Variants in MYH13 observed in about 807,000 individuals in gnomAD.
MYH13 encodes myosin-13.
MYH13 carries 177 observed loss-of-function variants against 232.1 expected under a neutral mutation model. The observed-to-expected ratio is 0.76, with a 90% CI of 0.67 to 0.86. MYH13 has a LOEUF of 0.86. Ranked by LOEUF, MYH13 falls within the 40% of genes least tolerant of loss-of-function variation. The pLI, the probability that MYH13 is intolerant of heterozygous loss-of-function variation, is 0.00. For synonymous variants in MYH13, 884 were observed against 923.5 expected, an observed-to-expected ratio of 0.96 and a Z score of 0.78; for missense variants, 2,246 against 2,405.9, an observed-to-expected ratio of 0.93 and a Z score of 1.39.
At chr17:10,372,865 C>T (rs2071887188) in intron 1 of MYH13, 114 bp downstream of exon 1, 1 of 152,158 alleles carries the variant, frequency 6.6e-6, no homozygotes, top group Admixed American at 6.5e-5. Flanking sequence ...AGACCTTGCA[C>T]TTAGTAGGCC....
chr17:10,372,194 A>G (rs1009709608), intron 1 of MYH13, among the ~76,000 whole-genome samples: 2 of 152,200 alleles, frequency 1.3e-5, no homozygotes, highest in African/African-American at 4.8e-5. Flanking sequence ...TATATTCTGA[A>G]TCCTCAATTT....
intron 22 of MYH13, among the ~76,000 whole-genome samples, chr17:10,326,480 CT>C (rs961570283): frequency 6.7e-6 from 1 of 149,448 alleles, no homozygotes; most frequent in Non-Finnish European, 1.5e-5. Context: ...TTTCTTTTTT[CT>C]TTTTTTTTGA....
Position 10,324,138 on chromosome 17 carries a change from A to G in MYH13, c.2818T>C (p.Leu940=), listed in dbSNP as rs1470429039. ...LEEEEEMNSE[L]VAKKRNLEDK... is the part of the protein sequence containing the mutation. Reference sequence around the variant, plus strand: ...TCCAGATTCCTCTTCTTGGCAACCAATTCAGAATTCATCTCCTCTTCCTCT... The same window carrying G: ...TCCAGATTCCTCTTCTTGGCAACCAGTTCAGAATTCATCTCCTCTTCCTCT... The change falls in exon 23 of 41, where the codon TTG becomes CTG. Residue 940 remains leucine (L), a synonymous_variant. Transcript: ENST00000252172. The G allele has an allele frequency of 3.1e-6, 5 of 1,613,814 alleles. No homozygotes were observed. Among genetic ancestry groups the G allele is most frequent in the East Asian group, 2.2e-5 (1 of 44,860 alleles).
chr17:10,344,957 T>C (rs559940641), intron 15 of MYH13, among the ~76,000 whole-genome samples: 26 of 152,326 alleles, frequency 1.7e-4, no homozygotes, highest in African/African-American at 6.3e-4. Context: ...CCACAGTCCT[T>C]ACTGGGGTTC....
chr17:10,328,113 A>G lies in MYH13; in HGVS notation c.2444T>C (p.Ile815Thr), dbSNP rs1907282326. 4 of 1,613,932 alleles carry G rather than the reference A, an allele frequency of 2.5e-6. No individual in the cohort carries two copies. ...FKKMMERRDS[I>T]FCIQYNIRSF... Reference sequence around the variant, plus strand: ...GCGGATGTTGTACTGGATGCAGAAGATGGAGTCCCTGTACACCCATTAGGA... The same window carrying G: ...GCGGATGTTGTACTGGATGCAGAAGGTGGAGTCCCTGTACACCCATTAGGA... The change falls in exon 22 of 41, where the codon ATC becomes ACC. Residue 815 changes from isoleucine to threonine, a missense_variant. Coordinates refer to ENST00000252172, the MANE Select transcript of MYH13 (RefSeq NM_003802.3).
chr17:10,337,585 GTCT>G (rs1183170495), intron 18 of MYH13, among the ~76,000 whole-genome samples: 1 of 152,186 alleles, frequency 6.6e-6, no homozygotes, highest in African/African-American at 2.4e-5. Flanking sequence ...ATAGTCTCTA[GTCT>G]TCTAGAAAAT....
chr17:10,307,192 C>T, intron 35 of MYH13, 128 bp from the exon 36 acceptor site: 1 of 1,185,958 alleles, frequency 8.4e-7, no homozygotes, highest in South Asian at 1.6e-5. Flanking sequence ...CATGGGTGAC[C>T]TGCTGGGTAC....
chr17:10,354,000 C>T (rs1409602259), intron 11 of MYH13, among the ~76,000 whole-genome samples: 2 of 151,646 alleles, frequency 1.3e-5, no homozygotes, highest in Non-Finnish European at 2.9e-5. Context: ...ATTGTGTCTT[C>T]CAGAAAATTA....
At chr17:10,315,140 C>T (rs1300647366) in intron 29 of MYH13, among the ~76,000 whole-genome samples, 2 of 152,152 alleles carry the variant, frequency 1.3e-5, no homozygotes, top group Non-Finnish European at 2.9e-5. Context: ...AGGGGAGTTT[C>T]TCAGACCACC....
At position 10,364,453 on chromosome 17, in the gene MYH13, C is replaced by G. The variant is rs760267642; in HGVS notation, c.78G>C (p.Glu26Asp). 1.1e-5 allele frequency: 18 copies of G among 1,612,608 alleles called. No individual in the cohort carries two copies. The highest frequency in any genetic ancestry group is 1.3e-5 in the African/African-American group (1 of 74,880). ...TGGAATCGAATGGACGATTTTGAGCCTCGATTCTCTCCTTCTCTGGTTTCC... is the reference window on the plus strand; with the variant it reads ...TGGAATCGAATGGACGATTTTGAGCGTCGATTCTCTCCTTCTCTGGTTTCC... ...YLRKPEKERI[E>D]AQNRPFDSKK... The change falls in exon 3 of 41, where the codon GAG becomes GAC. Residue 26 changes from glutamate (E) to aspartate (D), a missense_variant. Transcript: ENST00000252172.
At chr17:10,335,444 AG>A (rs1205822510) in intron 18 of MYH13, among the ~76,000 whole-genome samples, 5 of 152,154 alleles carry the variant, frequency 3.3e-5, no homozygotes. Context: ...CAGGTGGTTG[AG>A]GATTACATGA....
At chr17:10,348,503 A>G (rs2071684867) in intron 12 of MYH13, among the ~76,000 whole-genome samples, 1 of 152,188 alleles carries the variant, frequency 6.6e-6, no homozygotes, top group Admixed American at 6.5e-5. Flanking sequence ...CACCCAGCAA[A>G]TATTAGCTTG....
chr17:10,309,538 A>G lies in MYH13; in HGVS notation c.4949T>C (p.Val1650Ala), dbSNP rs781716026. ...CGTGCTCACCTTGAGCTGGCCCTGG[A>G]CCGTGCGCAGATGCTTCTGGGTCTC... Reference protein sequence around the residue: ...MAETQKHLRTVQGQLKDSQLH... With the variant: ...MAETQKHLRTAQGQLKDSQLH... Residue 1650 changes from valine to alanine, a missense_variant, in exon 34 of 41, where the codon GTC (valine) becomes GCC (alanine). Transcript: ENST00000252172. 1 of 1,610,376 alleles carries G rather than the reference A, an allele frequency of 6.2e-7. No individual in the cohort carries two copies. Among genetic ancestry groups the G allele is most frequent in the African/African-American group, 1.3e-5 (1 of 74,854 alleles).
At chr17:10,352,555 C>G (rs1443045936) in intron 11 of MYH13, among the ~76,000 whole-genome samples, 1 of 151,730 alleles carries the variant, frequency 6.6e-6, no homozygotes, top group African/African-American at 2.4e-5. Flanking sequence ...CACCACTGCA[C>G]TCCAGCCTGG....
chr17:10,315,935 G>C lies in MYH13; in HGVS notation c.3829C>G (p.Leu1277Val), dbSNP rs1906693593. 3 of 1,613,858 alleles carry C rather than the reference G, an allele frequency of 1.9e-6. No homozygotes were observed. Among genetic ancestry groups the C allele is most frequent in the Non-Finnish European group, 2.5e-6 (3 of 1,179,906 alleles). The stretch of plus-strand genomic sequence containing the variant: ...TGCAGTCTTGCTTTCTGCATGTTCA[G>C]ATCATGGATCAACTGTGTCTGTTGC... The part of the protein sequence containing the change: ...DEQQTQLIHD[L>V]NMQKARLQTQ... The change falls in exon 28 of 41, where the codon CTG becomes GTG. Residue 1277 changes from leucine to valine, a missense_variant. Leu to Val is a conservative substitution (Grantham distance 32, BLOSUM62 1). Coordinates refer to ENST00000252172, the MANE Select transcript of MYH13 (RefSeq NM_003802.3).
At chr17:10,338,130 C>T (rs8069814) in intron 18 of MYH13, among the ~76,000 whole-genome samples, 117,682 of 152,090 alleles carry the variant, frequency 0.77, 45,921 homozygotes, top group East Asian at 0.9. Context: ...TCCCCCACCA[C>T]CTTGCAGGCC....
chr17:10,305,888 C>T (rs370126795), intron 37 of MYH13, among the ~76,000 whole-genome samples: 3 of 152,122 alleles, frequency 2.0e-5, no homozygotes, highest in South Asian at 2.1e-4. Context: ...GAAGAAGCCC[C>T]GATCGCCCTC....
chr17:10,322,630 G>T (rs112985142), intron 23 of MYH13, among the ~76,000 whole-genome samples: 9,525 of 107,942 alleles, frequency 0.088, 697 homozygotes, highest in Non-Finnish European at 0.13. Context: ...TGTTACAGTT[G>T]TTTTTTTTTT....
intron 24 of MYH13, 32 bp from the exon 25 acceptor site, chr17:10,320,528 C>T: frequency 6.3e-7 from 1 of 1,598,252 alleles, no homozygotes; most frequent in Non-Finnish European, 8.5e-7. Flanking sequence ...AAATTAAGCC[C>T]CTGCTGGGGA....
Sources: allele counts gnomAD v4.1 joint callset (sites outside exome capture counted in the v4.1 genomes callset), GRCh38; gene constraint gnomAD v4.1.1; transcripts MANE v1.5; gene names NCBI Gene and HGNC (gene_info 2026-07-23, HGNC 2026-07-21).